UBXN6: variants seen among roughly 807,000 people sequenced by gnomAD.
UBXN6 encodes the protein UBX domain-containing protein 6.
In UBXN6, 44 loss-of-function variants were observed where a neutral mutation model predicts 51.4. That is an observed-to-expected ratio of 0.86 (90% CI 0.67 to 1.10). The LOEUF (loss-of-function observed/expected upper bound fraction) is 1.10. Among genes scored for constraint, UBXN6 ranks in the 50% least tolerant of loss-of-function variants. The pLI is 0.00. For synonymous variants in UBXN6, 316 were observed against 263.2 expected, an observed-to-expected ratio of 1.20 and a Z score of -1.94; for missense variants, 672 against 596.1, an observed-to-expected ratio of 1.13 and a Z score of -1.32.
chr19:4,457,862 GC>G (rs1974765523), upstream of UBXN6: 1 of 449,462 alleles, frequency 2.2e-6, no homozygotes, highest in African/African-American at 2.2e-5. Context: ...CCCCTGGCCT[GC>G]CACGTGACAA....
intron 3 of UBXN6, among the ~76,000 whole-genome samples, chr19:4,453,018 C>T (rs548528181): frequency 5.9e-5 from 9 of 152,214 alleles, no homozygotes; most frequent in Non-Finnish European, 1.2e-4. Flanking sequence ...CCCGTCTCCA[C>T]AGAGCCTCTT....
chr19:4,446,933 A>G lies in UBXN6; in HGVS notation c.616-13T>C, dbSNP rs930973843. On this transcript the variant is annotated splice_polypyrimidine_tract_variant and intron_variant, in intron 6 of 10. Coordinates refer to ENST00000301281, the MANE Select transcript of UBXN6 (RefSeq NM_025241.3). ...AGTTAATGCGCTCCTGGGGGTGGAGATGGGCGTCACTGGGGGCCCCTGGCT... is the reference window on the plus strand; with the variant it reads ...AGTTAATGCGCTCCTGGGGGTGGAGGTGGGCGTCACTGGGGGCCCCTGGCT... The G allele has an allele frequency of 5.0e-6, 8 of 1,613,036 alleles. No homozygotes were observed. Among genetic ancestry groups the G allele is most frequent in the African/African-American group, 4.0e-5 (3 of 74,892 alleles).
intron 4 of UBXN6, 22 bp downstream of exon 4, chr19:4,452,342 G>A (rs376155335): frequency 6.2e-7 from 1 of 1,610,830 alleles, no homozygotes; most frequent in Non-Finnish European, 8.5e-7. Context: ...GTTGGGGCAG[G>A]AGCACACAGG....
chr19:4,453,556 G>C (rs374837108), intron 2 of UBXN6, 34 bp from the exon 3 acceptor site: 1 of 1,608,776 alleles, frequency 6.2e-7, no homozygotes. Context: ...AGGCAGAGAC[G>C]GGATAGTGAG....
intron 5 of UBXN6, 125 bp from the exon 6 acceptor site, chr19:4,447,750 C>G: frequency 1.0e-6 from 1 of 958,876 alleles, no homozygotes; most frequent in Non-Finnish European, 1.7e-6. Flanking sequence ...AAGAAGCGGC[C>G]CAGTGACGCG....
intron 1 of UBXN6, among the ~76,000 whole-genome samples, chr19:4,455,628 A>G (rs1274224973): frequency 6.6e-6 from 1 of 152,066 alleles, no homozygotes; most frequent in Non-Finnish European, 1.5e-5. Flanking sequence ...AGCCTGGCCC[A>G]CTGCCCTCCC....
At chr19:4,457,435 CT>C (rs1484379828) in intron 1 of UBXN6, among the ~76,000 whole-genome samples, 179 bp downstream of exon 1, 1 of 133,916 alleles carries the variant, frequency 7.5e-6, no homozygotes, top group African/African-American at 2.9e-5. Flanking sequence ...TCCCCTCCCC[CT>C]GACGCCCACC....
At chr19:4,456,557 C>T (rs1267842506) in intron 1 of UBXN6, among the ~76,000 whole-genome samples, 1 of 152,096 alleles carries the variant, frequency 6.6e-6, no homozygotes, top group Non-Finnish European at 1.5e-5. Flanking sequence ...GCGGCCCCAG[C>T]TCTCCAGTTT....
rs771897085 is a variant in UBXN6, at chr19:4,447,582, G to A, written c.583C>T (p.Arg195Trp). The A allele has an allele frequency of 2.2e-5, 36 of 1,613,796 alleles. No homozygotes were observed. The highest frequency in any genetic ancestry group is 1.6e-4 in the East Asian group (7 of 44,872). ...IHLHPEEEKY[R>W]KIKLQNKVFQ... ...ACCTTGTTCTGCAGCTTGATCTTCCGGTACTTCTCCTCCTCGGGGTGCAGG... is the reference window on the plus strand; with the variant it reads ...ACCTTGTTCTGCAGCTTGATCTTCCAGTACTTCTCCTCCTCGGGGTGCAGG... Residue 195 changes from arginine to tryptophan, a missense_variant, in exon 6 of 11, where the codon CGG becomes TGG. Physicochemically the swap from Arg to Trp is moderately radical, Grantham distance 101. Transcript: ENST00000301281.
intron 3 of UBXN6, 23 bp from the exon 4 acceptor site, chr19:4,452,515 G>A: frequency 6.2e-7 from 1 of 1,604,142 alleles, no homozygotes; most frequent in Non-Finnish European, 8.5e-7. Flanking sequence ...AAGCGTCCAA[G>A]TCTGGACCGT....
intron 4 of UBXN6, among the ~76,000 whole-genome samples, chr19:4,451,134 G>A (rs1045046487): frequency 4.6e-5 from 7 of 152,164 alleles, no homozygotes; most frequent in Admixed American, 2.0e-4. Flanking sequence ...TGGGCTCACT[G>A]CAACCTCCAC....
At chr19:4,447,150 A>C in intron 6 of UBXN6, 1 of 597,772 alleles carries the variant, frequency 1.7e-6, no homozygotes, top group Non-Finnish European at 3.0e-6. Flanking sequence ...CCAGGCACGA[A>C]GAGTGAGGCT....
chr19:4,445,033 C>T lies in UBXN6; in HGVS notation c.*465G>A, dbSNP rs1356087944. ...TATTCAAACAACCTGTTTATTTGGG[C>T]TTATGATTTACTAACTGCAGGTCTA... On this transcript the variant is annotated 3_prime_UTR_variant, in exon 11 of 11. Transcript: ENST00000301281. The T allele has an allele frequency of 6.1e-6, 1 of 163,704 alleles. No homozygotes were observed. The highest frequency in any genetic ancestry group is 5.9e-5 in the Admixed American group (1 of 16,896). The allele number at this position is 163,704 out of a possible 1,614,324, so 10.1% of individuals were successfully genotyped here. A position where few individuals can be genotyped will look rare whatever the true frequency, so the allele number is the denominator to read the frequency against.
intron 1 of UBXN6, chr19:4,455,143 C>A: frequency 1.1e-6 from 1 of 934,760 alleles, no homozygotes; most frequent in South Asian, 4.9e-5. Flanking sequence ...AGAAGCCTCG[C>A]AGAGAAGCCC....
intron 5 of UBXN6, 172 bp downstream of exon 5, chr19:4,448,146 G>A (rs1194205218): frequency 1.6e-6 from 1 of 628,730 alleles, no homozygotes; most frequent in African/African-American, 1.8e-5. Flanking sequence ...GCCCAAGGAG[G>A]CCCAGCCCTT....
chr19:4,445,365 T>C lies in UBXN6; in HGVS notation c.*133A>G. On this transcript the variant is annotated 3_prime_UTR_variant, in exon 11 of 11. Transcript: ENST00000301281. ...GGGCCCAATTCCACAGCTCCACGGCTGGCGCCCCTCCCGTGCCCATGGGGC... is the reference window on the plus strand; with the variant it reads ...GGGCCCAATTCCACAGCTCCACGGCCGGCGCCCCTCCCGTGCCCATGGGGC... 6.9e-7 allele frequency: 1 copy of C among 1,446,312 alleles called. No homozygotes were observed. Among genetic ancestry groups the C allele is most frequent in the Non-Finnish European group, 9.4e-7 (1 of 1,066,078 alleles). The allele number at this position is 1,446,312 out of a possible 1,614,324, so 89.6% of individuals were successfully genotyped here. A position where few individuals can be genotyped will look rare whatever the true frequency, so the allele number is the denominator to read the frequency against.
chr19:4,453,966 A>G lies in UBXN6; in HGVS notation c.211T>C (p.Trp71Arg), dbSNP rs1474084034. ...ATGGTGTCCTGCGATGTGGGGCCCC[A>G]GGCCCGGGACTGCTTCTGCTCCAGC... is the stretch of plus-strand genomic sequence containing the variant. ...ARLEQKQSRAWGPTSQDTIRN... is the reference protein window; with the variant it reads ...ARLEQKQSRARGPTSQDTIRN... The change falls in exon 2 of 11, where the codon TGG becomes CGG. Residue 71 changes from tryptophan (W) to arginine (R), a missense_variant. Coordinates refer to ENST00000301281, the MANE Select transcript of UBXN6 (RefSeq NM_025241.3). 6.2e-7 allele frequency: 1 copy of G among 1,610,970 alleles called. No individual in the cohort carries two copies. The highest frequency in any genetic ancestry group is 1.1e-5 in the South Asian group (1 of 91,034).
chr19:4,457,877 A>G (rs2145193312), upstream of UBXN6: 1 of 409,396 alleles, frequency 2.4e-6, no homozygotes, highest in Non-Finnish European at 4.2e-6. Context: ...GTGACAATCG[A>G]CTAGACGTGC....
chr19:4,445,858 G>A (rs912363197), intron 10 of UBXN6, 191 bp downstream of exon 10: 4 of 1,068,518 alleles, frequency 3.7e-6, no homozygotes, highest in East Asian at 2.6e-5. Flanking sequence ...GGGAAACTGA[G>A]GCGTGGAGTA....
Sources: allele counts gnomAD v4.1 joint callset (sites outside exome capture counted in the v4.1 genomes callset), GRCh38; gene constraint gnomAD v4.1.1; transcripts MANE v1.5; gene names NCBI Gene and HGNC (gene_info 2026-07-23, HGNC 2026-07-21).